Variants in M1AP observed in about 807,000 individuals in gnomAD.
The protein encoded by M1AP is meiosis 1 associated protein.
A neutral mutation model predicts 51.2 loss-of-function variants in M1AP; 39 were observed. That is an observed-to-expected ratio of 0.76 (90% CI 0.59 to 1.00). The LOEUF (loss-of-function observed/expected upper bound fraction) is 1.00, where lower values mean the gene tolerates loss of function less well. M1AP is among the 50% of genes least tolerant of loss of function. M1AP has a pLI of 0.00. For synonymous variants in M1AP, 251 were observed against 249.2 expected, an observed-to-expected ratio of 1.01 and a Z score of -0.07; for missense variants, 545 against 641.2, an observed-to-expected ratio of 0.85 and a Z score of 1.62.
intron 3 of M1AP, among the ~76,000 whole-genome samples, chr2:74,611,858 G>GA (rs949060924): frequency 7.2e-5 from 4 of 55,586 alleles, no homozygotes; most frequent in African/African-American, 1.4e-4. Context: ...AAAACAGACA[G>GA]AAAAAAAACA....
intron 3 of M1AP, among the ~76,000 whole-genome samples, chr2:74,611,897 T>TG (rs1165702333): frequency 0.013 from 1,104 of 85,360 alleles, 17 homozygotes; most frequent in Non-Finnish European, 0.02. Flanking sequence ...TTTTTTTTTT[T>TG]TTTTTTTTTT....
chr2:74,562,458 T>C (rs1276273690), intron 7 of M1AP, 35 bp from the exon 8 acceptor site: 7 of 1,611,296 alleles, frequency 4.3e-6, no homozygotes, highest in Non-Finnish European at 5.1e-6. Flanking sequence ...CTGGTTCATC[T>C]TTAGTCTATG....
intron 7 of M1AP, among the ~76,000 whole-genome samples, chr2:74,563,956 C>A (rs1678207125): frequency 6.6e-6 from 1 of 152,316 alleles, no homozygotes; most frequent in East Asian, 1.9e-4. Context: ...CTATCATAAT[C>A]ATCTCAAACT....
intron 2 of M1AP, among the ~76,000 whole-genome samples, chr2:74,634,635 A>T (rs1405139130): frequency 1.3e-5 from 2 of 152,136 alleles, no homozygotes; most frequent in Admixed American, 6.5e-5. Flanking sequence ...GTCTTGTCTC[A>T]ATCTTAGGGG....
intron 2 of M1AP, among the ~76,000 whole-genome samples, chr2:74,625,610 G>A (rs1307785315): frequency 6.6e-6 from 1 of 152,098 alleles, no homozygotes; most frequent in Non-Finnish European, 1.5e-5. Flanking sequence ...ACAATGTTAA[G>A]TTTTCTTAGT....
intron 4 of M1AP, among the ~76,000 whole-genome samples, chr2:74,592,013 A>G (rs890044168): frequency 1.2e-4 from 18 of 151,904 alleles, no homozygotes; most frequent in African/African-American, 4.1e-4. Context: ...TATGTTGGCC[A>G]GGCTGGTCTC....
intron 5 of M1AP, 92 bp downstream of exon 5, chr2:74,581,582 C>A: frequency 7.9e-7 from 1 of 1,268,192 alleles, no homozygotes; most frequent in Non-Finnish European, 1.1e-6. Flanking sequence ...TAAACCTCAA[C>A]GATGCTATAT....
chr2:74,591,974 A>AT (rs1030273058), intron 4 of M1AP, among the ~76,000 whole-genome samples: 6 of 150,626 alleles, frequency 4.0e-5, no homozygotes, highest in African/African-American at 7.4e-5. Context: ...ATTTTATTTT[A>AT]TTTTTTTTCA....
At chr2:74,636,036 A>G (rs1682971995) in intron 2 of M1AP, among the ~76,000 whole-genome samples, 1 of 152,050 alleles carries the variant, frequency 6.6e-6, no homozygotes. Context: ...TTGATGTTCT[A>G]TAATTGTTGA....
intron 4 of M1AP, among the ~76,000 whole-genome samples, chr2:74,584,748 GCAGA>G (rs1270341268): frequency 8.7e-5 from 13 of 148,574 alleles, no homozygotes; most frequent in African/African-American, 3.0e-4. Flanking sequence ...CCCTAAGAAG[GCAGA>G]ATGGCTTATT....
At chr2:74,587,583 A>G (rs1356030765) in intron 4 of M1AP, among the ~76,000 whole-genome samples, 2 of 152,194 alleles carry the variant, frequency 1.3e-5, no homozygotes, top group Non-Finnish European at 2.9e-5. Context: ...AACAACTAGT[A>G]TGTATTGTGT....
intron 4 of M1AP, among the ~76,000 whole-genome samples, chr2:74,605,900 CA>C (rs1255588829): frequency 0.013 from 1,538 of 122,344 alleles, 13 homozygotes; most frequent in African/African-American, 0.031. Context: ...GACTCCATCT[CA>C]AAAAAAAAAA....
In M1AP at chr2:74,575,930, G is replaced by A. The variant is rs114721087; in HGVS notation, c.933-351C>T. Among the ~76,000 whole-genome samples the A allele has an allele frequency of 7.5e-3, 1,141 of 152,270 alleles. 19 individuals are homozygous for A. The highest frequency in any genetic ancestry group is 0.026 in the African/African-American group (1,083 of 41,544). ...AGTGCAGTGGTTCAATTAACTCACT[G>A]CAGCCTTGAACTCTTGGGCTCAAGC... On this transcript the variant is annotated intron_variant, in intron 6 of 10. Coordinates refer to ENST00000421985, the MANE Select transcript of M1AP (RefSeq NM_001321739.2).
chr2:74,621,961 A>T (rs944399908), intron 2 of M1AP, among the ~76,000 whole-genome samples: 6 of 149,528 alleles, frequency 4.0e-5, no homozygotes, highest in Non-Finnish European at 7.4e-5. Flanking sequence ...AAAAAAAAAA[A>T]ATACAAAAAT....
At chr2:74,588,099 T>C (rs893313200) in intron 4 of M1AP, among the ~76,000 whole-genome samples, 16 of 152,172 alleles carry the variant, frequency 1.1e-4, no homozygotes, top group African/African-American at 3.9e-4. Flanking sequence ...GTCCTCCACA[T>C]CTTCCCCCGT....
intron 2 of M1AP, among the ~76,000 whole-genome samples, 176 bp from the exon 3 acceptor site, chr2:74,615,325 T>C (rs1681603789): frequency 6.6e-6 from 1 of 152,210 alleles, no homozygotes; most frequent in Admixed American, 6.5e-5. Flanking sequence ...AAATCTTCCC[T>C]ACACTAGCAG....
chr2:74,632,454 C>T (rs925954049), intron 2 of M1AP, among the ~76,000 whole-genome samples: 1 of 152,164 alleles, frequency 6.6e-6, no homozygotes, highest in African/African-American at 2.4e-5. Flanking sequence ...GAGAAGGAAG[C>T]CTTAAAGACA....
chr2:74,608,140 A>G (rs1376785175), intron 3 of M1AP, among the ~76,000 whole-genome samples: 2 of 152,146 alleles, frequency 1.3e-5, no homozygotes, highest in African/African-American at 4.8e-5. Flanking sequence ...AGTACATTCT[A>G]TGAGTCTAGA....
intron 2 of M1AP, among the ~76,000 whole-genome samples, chr2:74,622,420 T>C (rs1322619435): frequency 6.6e-6 from 1 of 152,018 alleles, no homozygotes; most frequent in African/African-American, 2.4e-5. Flanking sequence ...GTATTTTTAG[T>C]AGAGACGGGG....
Sources: allele counts gnomAD v4.1 joint callset (sites outside exome capture counted in the v4.1 genomes callset), GRCh38; gene constraint gnomAD v4.1.1; transcripts MANE v1.5; gene names NCBI Gene and HGNC (gene_info 2026-07-23, HGNC 2026-07-21).